CACNA2D3: variants seen among roughly 807,000 people sequenced by gnomAD.
The protein encoded by CACNA2D3 is calcium voltage-gated channel auxiliary subunit alpha2delta 3.
CACNA2D3 carries 60 observed loss-of-function variants against 160.6 expected under a neutral mutation model. That is an observed-to-expected ratio of 0.37 (90% CI 0.30 to 0.46). The LOEUF is 0.46. CACNA2D3 is among the 20% of genes least tolerant of loss of function. The pLI, the probability that CACNA2D3 is intolerant of heterozygous loss-of-function variation, is 1.00. For synonymous variants in CACNA2D3, 558 were observed against 492.9 expected (o/e 1.13, Z -1.75); for missense variants, 1,205 against 1,365.0 (o/e 0.88, Z 1.85).
At chr3:54,404,179 G>A (rs1176662996) in intron 4 of CACNA2D3, among the ~76,000 whole-genome samples, 1 of 151,880 alleles carries the variant, frequency 6.6e-6, no homozygotes, top group Admixed American at 6.6e-5. Context: ...AAGACACCAC[G>A]GTAAAGAAAA....
chr3:54,887,884 A>G (rs1473295458), intron 23 of CACNA2D3, 75 bp from the exon 24 acceptor site: 15 of 1,082,384 alleles, frequency 1.4e-5, no homozygotes, highest in Non-Finnish European at 2.1e-5. Flanking sequence ...GATGCTGCAC[A>G]ATGAGCCCAT....
chr3:54,572,757 A>G (rs144724403), intron 8 of CACNA2D3, among the ~76,000 whole-genome samples: 122 of 152,374 alleles, frequency 8.0e-4, no homozygotes, highest in African/African-American at 1.3e-3. Context: ...TGATCCCCAC[A>G]CATCCTGAAG....
chr3:54,505,239 A>G (rs998477667), intron 5 of CACNA2D3, among the ~76,000 whole-genome samples: 2 of 152,174 alleles, frequency 1.3e-5, no homozygotes, highest in Non-Finnish European at 2.9e-5. Flanking sequence ...CAAGAGGTTC[A>G]CAGTTCATAT....
intron 11 of CACNA2D3, among the ~76,000 whole-genome samples, chr3:54,736,861 A>C (rs943896941): frequency 2.0e-5 from 3 of 152,110 alleles, no homozygotes; most frequent in Non-Finnish European, 4.4e-5. Context: ...ACAGATTCTC[A>C]CCCTTTGTAA....
chr3:54,190,168 A>C (rs79664111), intron 2 of CACNA2D3, among the ~76,000 whole-genome samples: 3,499 of 152,276 alleles, frequency 0.023, 206 homozygotes, highest in East Asian at 0.17. Flanking sequence ...TGGAGCCCTC[A>C]TGATCTAATC....
chr3:54,855,283 C>T (rs1699144069), intron 17 of CACNA2D3, among the ~76,000 whole-genome samples: 1 of 152,048 alleles, frequency 6.6e-6, no homozygotes, highest in African/African-American at 2.4e-5. Flanking sequence ...CATAAGCCTA[C>T]TAGTCTCCGG....
At chr3:54,859,971 T>TGCGTGC (rs141605463) in intron 17 of CACNA2D3, among the ~76,000 whole-genome samples, 4 of 61,208 alleles carry the variant, frequency 6.5e-5, no homozygotes, top group African/African-American at 3.8e-4. Context: ...GGAAAGTAGA[T>TGCGTGC]GCACACACAC....
chr3:54,969,309 G>T (rs1702221602), intron 28 of CACNA2D3, among the ~76,000 whole-genome samples: 1 of 144,012 alleles, frequency 6.9e-6, no homozygotes, highest in Non-Finnish European at 1.5e-5. Flanking sequence ...TCCCAGGCTG[G>T]AGTGCAGTGG....
intron 2 of CACNA2D3, among the ~76,000 whole-genome samples, chr3:54,296,157 G>A (rs1356806244): frequency 6.6e-6 from 1 of 152,222 alleles, no homozygotes; most frequent in East Asian, 1.9e-4. Flanking sequence ...ATGACATTTG[G>A]AAGACGCCTG....
chr3:55,005,461 C>T (rs1450103370), intron 32 of CACNA2D3, among the ~76,000 whole-genome samples: 1 of 152,054 alleles, frequency 6.6e-6, no homozygotes, highest in Non-Finnish European at 1.5e-5. Context: ...TATAAAAGAA[C>T]TTGGTTTTGT....
chr3:54,129,212 C>T (rs927922091), intron 2 of CACNA2D3, among the ~76,000 whole-genome samples: 3 of 152,172 alleles, frequency 2.0e-5, no homozygotes. Context: ...CCTGTACTTA[C>T]AGCTCACCCT....
At chr3:54,666,001 C>G (rs1372073379) in intron 11 of CACNA2D3, among the ~76,000 whole-genome samples, 6 of 151,828 alleles carry the variant, frequency 4.0e-5, no homozygotes, top group Non-Finnish European at 8.8e-5. Context: ...CACCATGTTG[C>G]CCAGGCTGAG....
At position 54,569,906 on chromosome 3, in the gene CACNA2D3, A is replaced by C. The variant is rs1222864871; in HGVS notation, c.738-48A>C. On this transcript the variant is annotated intron_variant, in intron 7 of 37. Transcript: ENST00000474759. Reference sequence around the variant, plus strand: ...TATTTCTCAAAGAGATATCTTGAAGAGAAGTGAAGTCAGGATTAATTTTGA... The same window carrying C: ...TATTTCTCAAAGAGATATCTTGAAGCGAAGTGAAGTCAGGATTAATTTTGA... 3 of 1,613,282 alleles carry C rather than the reference A, an allele frequency of 1.9e-6. No homozygotes were observed. The Admixed American group carries it at 5.0e-5, about 27-fold the overall frequency.
At chr3:54,856,394 A>G (rs1699171068) in intron 17 of CACNA2D3, among the ~76,000 whole-genome samples, 3 of 152,126 alleles carry the variant, frequency 2.0e-5, no homozygotes, top group Admixed American at 2.0e-4. Flanking sequence ...TTCAGATAAC[A>G]TGGATGAGTT....
rs6775377 is a variant in CACNA2D3, at chr3:55,030,923, G to C, written c.2987+12606G>C. ...GTCCATGATATAAAATGAGAGGGGCGCATGTCTATAATGACTAGGCAGGTT... is the reference window on the plus strand; with the variant it reads ...GTCCATGATATAAAATGAGAGGGGCCCATGTCTATAATGACTAGGCAGGTT... On this transcript the variant is annotated intron_variant, in intron 35 of 37. Transcript: ENST00000474759. Among the ~76,000 whole-genome samples the C allele has an allele frequency of 7.0e-3, 1,067 of 152,158 alleles. 7 individuals are homozygous for C. Among genetic ancestry groups the C allele is most frequent in the African/African-American group, 0.024 (981 of 41,488 alleles).
At chr3:54,583,409 C>T (rs1207559122) in intron 9 of CACNA2D3, among the ~76,000 whole-genome samples, 1 of 152,198 alleles carries the variant, frequency 6.6e-6, no homozygotes, top group Admixed American at 6.5e-5. Context: ...AAAAACTAAT[C>T]TGGACTTCTT....
chr3:54,345,561 A>G (rs1698440956), intron 3 of CACNA2D3, among the ~76,000 whole-genome samples: 1 of 152,172 alleles, frequency 6.6e-6, no homozygotes, highest in African/African-American at 2.4e-5. Context: ...GTGAGAGGGC[A>G]GAGGAGCTGG....
intron 18 of CACNA2D3, among the ~76,000 whole-genome samples, chr3:54,872,803 T>C (rs1699568007): frequency 2.0e-5 from 3 of 152,210 alleles, no homozygotes; most frequent in South Asian, 4.1e-4. Flanking sequence ...TAAAAGCTCC[T>C]TCCTCCTCCA....
At chr3:54,992,586 G>T (rs1702764210) in intron 31 of CACNA2D3, among the ~76,000 whole-genome samples, 1 of 151,994 alleles carries the variant, frequency 6.6e-6, no homozygotes, top group Admixed American at 6.6e-5. Context: ...AGACTTCTAA[G>T]CAATGTCTGA....
Sources: gnomAD v4.1 joint callset for allele counts (sites outside exome capture counted in the v4.1 genomes callset) on GRCh38, gnomAD v4.1.1 for gene constraint, MANE v1.5 for transcripts, NCBI Gene and HGNC (gene_info 2026-07-23, HGNC 2026-07-21) for gene names.